The following PDE12 variants were observed in gnomAD, a reference collection of about 807,000 sequenced individuals.
PDE12 encodes phosphodiesterase 12.
PDE12 carries 26 observed loss-of-function variants against 45.4 expected under a neutral mutation model. The ratio of observed to expected loss-of-function variants is 0.57; its 90% CI spans 0.42 to 0.79. The LOEUF is 0.79. Among genes scored for constraint, PDE12 ranks in the 30% least tolerant of loss-of-function variants. The pLI, the probability that PDE12 is intolerant of heterozygous loss-of-function variation, is 0.00. For synonymous variants in PDE12, 283 were observed against 323.9 expected (o/e 0.87, Z 1.36); for missense variants, 668 against 790.0 (o/e 0.85, Z 1.85).
At chr3:57,597,053 G>C in the PDE12 span, 2 of 1,612,620 alleles carry the variant, frequency 1.2e-6, no homozygotes, top group East Asian at 4.5e-5. Context: ...GGTCCCGCCT[G>C]ACTCGCAGCC....
chr3:57,643,580 C>A, the PDE12 span, among the ~76,000 whole-genome samples: 2 of 152,236 alleles, frequency 1.3e-5, no homozygotes, highest in African/African-American at 4.8e-5. Flanking sequence ...GTAATCCCAG[C>A]ACTTTGGGAG....
chr3:57,575,685 A>G, the PDE12 span: 1 of 1,603,898 alleles, frequency 6.2e-7, no homozygotes, highest in East Asian at 2.2e-5. Context: ...TGGAAATAAA[A>G]GGTAAGGCAT....
chr3:57,573,858 A>C, the PDE12 span, among the ~76,000 whole-genome samples: 1 of 152,206 alleles, frequency 6.6e-6, no homozygotes, highest in Non-Finnish European at 1.5e-5. Flanking sequence ...CTGGGATTAC[A>C]GGTGTGAGCC....
At chr3:57,613,511 C>T in the PDE12 span, among the ~76,000 whole-genome samples, 10 of 151,698 alleles carry the variant, frequency 6.6e-5, no homozygotes, top group East Asian at 2.0e-3. Flanking sequence ...TCAGGCTGGT[C>T]TGGAACTCCT....
At chr3:57,629,396 C>T in the PDE12 span, among the ~76,000 whole-genome samples, 1 of 151,904 alleles carries the variant, frequency 6.6e-6, no homozygotes, top group Admixed American at 6.6e-5. Flanking sequence ...GTTAGCACAC[C>T]TCACATTTAA....
Position 57,556,585 on chromosome 3 carries a change from A to C in PDE12, c.206A>C (p.Glu69Ala), listed in dbSNP as rs2069662693. 5.0e-6 allele frequency: 8 copies of C among 1,613,284 alleles called. No homozygotes were observed. Among genetic ancestry groups the C allele is most frequent in the Non-Finnish European group, 6.8e-6 (8 of 1,179,930 alleles). ...AAGAACATGCAGCGCGACCAGAGCG[A>C]GCCGCTGGGTCGAGTCCTCAGCCGC... ...SHKNMQRDQSEPLGRVLSRIA... is the reference protein window; with the variant it reads ...SHKNMQRDQSAPLGRVLSRIA... The change falls in exon 1 of 3, where the codon GAG (glutamate) becomes GCG (alanine). Residue 69 changes from glutamate (E) to alanine (A), a missense_variant. Coordinates refer to ENST00000311180, the MANE Select transcript of PDE12 (RefSeq NM_177966.7). The surrounding 1 kb of genome is among the most constrained non-coding windows in gnomAD (Gnocchi z 5.0).
At chr3:57,594,376 C>T in the PDE12 span, among the ~76,000 whole-genome samples, 3 of 152,192 alleles carry the variant, frequency 2.0e-5, no homozygotes, top group African/African-American at 7.2e-5. Flanking sequence ...GCGTGAGCCA[C>T]CACACCTGGC....
chr3:57,625,646 A>G, the PDE12 span: 1 of 152,686 alleles, frequency 6.5e-6, no homozygotes, highest in East Asian at 1.9e-4. Context: ...TTCTTAAAAA[A>G]AAAAAGACAA....
At chr3:57,643,889 C>G in the PDE12 span, among the ~76,000 whole-genome samples, 1 of 151,550 alleles carries the variant, frequency 6.6e-6, no homozygotes, top group African/African-American at 2.4e-5. Flanking sequence ...GTGGCTCATG[C>G]CTGTAATCCC....
At chr3:57,614,422 C>T in the PDE12 span, among the ~76,000 whole-genome samples, 4 of 151,248 alleles carry the variant, frequency 2.6e-5, no homozygotes, top group African/African-American at 9.7e-5. Context: ...GGGATATCTC[C>T]AAGTATTTGG....
chr3:57,605,742 TC>T, the PDE12 span, among the ~76,000 whole-genome samples: 1 of 152,134 alleles, frequency 6.6e-6, no homozygotes, highest in African/African-American at 2.4e-5. Flanking sequence ...GAGTAATTGA[TC>T]AATTGAAACC....
chr3:57,575,481 T>C, the PDE12 span: 14 of 1,454,112 alleles, frequency 9.6e-6, no homozygotes, highest in Non-Finnish European at 1.3e-5. Context: ...AACTGAATAT[T>C]AGCTTACACA....
At chr3:57,572,126 T>C in the PDE12 span, 1 of 1,062,776 alleles carries the variant, frequency 9.4e-7, no homozygotes, top group Non-Finnish European at 1.5e-6. Flanking sequence ...AGATACTGTT[T>C]AATAACCAAG....
Position 57,556,864 on chromosome 3 carries a change from C to G in PDE12, c.485C>G (p.Pro162Arg). Residue 162 changes from proline (P) to arginine (R), a missense_variant, in exon 1 of 3, where the codon CCC becomes CGC. Coordinates refer to ENST00000311180, the MANE Select transcript of PDE12 (RefSeq NM_177966.7). This position sits in a 1 kb window ranked among gnomAD's most constrained non-coding sequence, Gnocchi z 5.0. ...DVKYKVERNP[P>R]AFTELQLPRY... ...AAGTACAAGGTGGAGCGCAACCCGC[C>G]CGCCTTCACCGAACTGCAGTTGCCG... 1 of 1,614,116 alleles carries G rather than the reference C, an allele frequency of 6.2e-7. No homozygotes were observed. The highest frequency in any genetic ancestry group is 8.5e-7 in the Non-Finnish European group (1 of 1,180,046).
At chr3:57,606,519 G>C in the PDE12 span, among the ~76,000 whole-genome samples, 13 of 152,240 alleles carry the variant, frequency 8.5e-5, 2 homozygotes, top group South Asian at 2.7e-3. Context: ...ACACCATATG[G>C]ATCTATCCAA....
the PDE12 span, among the ~76,000 whole-genome samples, chr3:57,636,174 A>G: frequency 6.6e-6 from 1 of 152,210 alleles, no homozygotes; most frequent in East Asian, 1.9e-4. Flanking sequence ...TCTACTACAC[A>G]GGAAGTTGGC....
the PDE12 span, among the ~76,000 whole-genome samples, chr3:57,590,587 G>T: frequency 6.6e-6 from 1 of 152,190 alleles, no homozygotes; most frequent in Admixed American, 6.5e-5. Context: ...TTTTCAGATG[G>T]ATAAAAAGAT....
the PDE12 span, among the ~76,000 whole-genome samples, chr3:57,625,220 A>G: frequency 2.0e-5 from 3 of 152,164 alleles, no homozygotes; most frequent in South Asian, 6.2e-4. Flanking sequence ...TTTTACCAGA[A>G]TATTTCATAA....
intron 1 of PDE12, among the ~76,000 whole-genome samples, chr3:57,558,657 A>AT (rs2069692471): frequency 6.6e-6 from 1 of 151,436 alleles, no homozygotes; most frequent in Non-Finnish European, 1.5e-5. Context: ...CGCCCGGCTA[A>AT]TTTTTTTAGT....
Sources: gnomAD v4.1 joint callset for allele counts (sites outside exome capture counted in the v4.1 genomes callset) on GRCh38, gnomAD v4.1.1 for gene constraint, Gnocchi (gnomAD v3.1) non-coding constraint, MANE v1.5 for transcripts, NCBI Gene and HGNC (gene_info 2026-07-23, HGNC 2026-07-21) for gene names.